The following PCDH7 variants were observed in gnomAD, a reference collection of about 807,000 sequenced individuals.
PCDH7 encodes protocadherin-7.
A neutral mutation model predicts 58.9 loss-of-function variants in PCDH7; 17 were observed. The observed-to-expected ratio is 0.29, with a 90% CI of 0.20 to 0.43. The LOEUF is 0.43. Ranked by LOEUF, PCDH7 falls within the 20% of genes least tolerant of loss-of-function variation. The probability of loss-of-function intolerance (pLI) is 1.00; values close to 1 mark genes in which losing one functional copy is unlikely to be tolerated. For synonymous variants in PCDH7, 664 were observed against 616.4 expected, an observed-to-expected ratio of 1.08 and a Z score of -1.14; for missense variants, 1,274 against 1,441.0, an observed-to-expected ratio of 0.88 and a Z score of 1.88.
At chr4:30,792,934 C>A (rs1469029173) in intron 1 of PCDH7, among the ~76,000 whole-genome samples, 2 of 152,068 alleles carry the variant, frequency 1.3e-5, no homozygotes, top group Non-Finnish European at 2.9e-5. Context: ...TTTTAAAAAA[C>A]CCTGCATACT....
chr4:30,989,249 G>A (rs918513114), intron 3 of PCDH7, among the ~76,000 whole-genome samples: 2 of 149,370 alleles, frequency 1.3e-5, no homozygotes, highest in Admixed American at 6.6e-5. Context: ...ATATCTGACT[G>A]CAAAACAAGC....
At chr4:30,744,447 T>C (rs1369587767) in intron 1 of PCDH7, among the ~76,000 whole-genome samples, 1 of 152,206 alleles carries the variant, frequency 6.6e-6, no homozygotes, top group Non-Finnish European at 1.5e-5. Context: ...ACATGTCCAA[T>C]GGGTGTTGTT....
At chr4:30,859,637 A>G (rs1433141289) in intron 1 of PCDH7, among the ~76,000 whole-genome samples, 1 of 151,828 alleles carries the variant, frequency 6.6e-6, no homozygotes, top group African/African-American at 2.4e-5. Flanking sequence ...AAGGAGTTTC[A>G]CCATGTTGGC....
intron 3 of PCDH7, among the ~76,000 whole-genome samples, chr4:31,115,657 T>C (rs887424821): frequency 2.0e-5 from 3 of 152,210 alleles, no homozygotes; most frequent in Admixed American, 2.0e-4. Flanking sequence ...TTTATTATGA[T>C]TCACATAACT....
At chr4:30,746,499 CT>C (rs1449319723) in intron 1 of PCDH7, among the ~76,000 whole-genome samples, 1 of 152,144 alleles carries the variant, frequency 6.6e-6, no homozygotes, top group Non-Finnish European at 1.5e-5. Flanking sequence ...GGCATCTAAT[CT>C]TCCTAGTGTT....
At chr4:30,949,855 A>G (rs1247776078) in intron 2 of PCDH7, among the ~76,000 whole-genome samples, 3 of 151,764 alleles carry the variant, frequency 2.0e-5, no homozygotes, top group Non-Finnish European at 2.9e-5. Context: ...TTAAAAAATG[A>G]GGATAAAATG....
At chr4:30,908,113 A>G (rs1282771178) in intron 1 of PCDH7, among the ~76,000 whole-genome samples, 1 of 151,902 alleles carries the variant, frequency 6.6e-6, no homozygotes, top group African/African-American at 2.4e-5. Flanking sequence ...GTGAGGGGCT[A>G]GGGGAGGGAT....
intron 3 of PCDH7, among the ~76,000 whole-genome samples, chr4:30,998,550 T>C (rs1434366177): frequency 6.6e-6 from 1 of 152,008 alleles, no homozygotes; most frequent in African/African-American, 2.4e-5. Context: ...TGACATCACC[T>C]GGCCAAAAAT....
chr4:30,997,377 A>G (rs987641510), intron 3 of PCDH7, among the ~76,000 whole-genome samples: 2 of 152,154 alleles, frequency 1.3e-5, no homozygotes, highest in African/African-American at 4.8e-5. Flanking sequence ...TATTTTTGTT[A>G]GAATTTAAAA....
intron 1 of PCDH7, among the ~76,000 whole-genome samples, chr4:30,766,328 G>A (rs1720745711): frequency 1.3e-5 from 2 of 152,018 alleles, no homozygotes; most frequent in Non-Finnish European, 2.9e-5. Context: ...CCAGGAGTTT[G>A]AGACCAACCT....
chr4:30,847,508 C>T (rs1351493482), intron 1 of PCDH7, among the ~76,000 whole-genome samples: 1 of 152,130 alleles, frequency 6.6e-6, no homozygotes, highest in Non-Finnish European at 1.5e-5. Context: ...GTTTGTTTGC[C>T]TTCACATAGA....
intron 3 of PCDH7, among the ~76,000 whole-genome samples, chr4:31,099,793 G>A (rs908260978): frequency 2.0e-5 from 3 of 151,908 alleles, no homozygotes; most frequent in South Asian, 2.1e-4. Flanking sequence ...ATGACAACCC[G>A]AAATATACAT....
chr4:30,726,878 G>A (rs909092753), intron 1 of PCDH7, among the ~76,000 whole-genome samples: 7 of 151,926 alleles, frequency 4.6e-5, no homozygotes, highest in Middle Eastern at 3.4e-3. Flanking sequence ...GTTACATTCC[G>A]TTTTGACATC....
chr4:30,967,701 C>T (rs1031609463), intron 3 of PCDH7, among the ~76,000 whole-genome samples: 2 of 152,086 alleles, frequency 1.3e-5, no homozygotes, highest in African/African-American at 2.4e-5. Flanking sequence ...CGTAAGCCTT[C>T]TGAGCCAAAT....
chr4:30,988,999 T>C (rs139016497), intron 3 of PCDH7, among the ~76,000 whole-genome samples: 81 of 152,312 alleles, frequency 5.3e-4, no homozygotes, highest in Non-Finnish European at 8.8e-4. Flanking sequence ...ACCTTCCTTT[T>C]TAACAGGTCA....
intron 3 of PCDH7, among the ~76,000 whole-genome samples, chr4:31,004,489 C>T (rs1189216399): frequency 6.6e-6 from 1 of 152,110 alleles, no homozygotes; most frequent in African/African-American, 2.4e-5. Context: ...GCTGGCAGAT[C>T]ACTTAAGGTC....
rs532743616 is a variant in PCDH7 at position 30,739,242 on chromosome 4, A to G, written c.70+14646A>G. Among the ~76,000 whole-genome samples the G allele has an allele frequency of 1.2e-4, 18 of 149,150 alleles. 1 individual carries two copies. Among genetic ancestry groups the G allele is most frequent in the African/African-American group, 3.7e-4 (15 of 40,794 alleles). On this transcript the variant is annotated intron_variant, in intron 1 of 3. Transcript: ENST00000509759. ...ATACAGGATAAACTCATCAAAGTCC[A>G]GAAGGGGAAATTCCTCCTTCTTTTC...
In PCDH7 at chr4:31,096,404, G is replaced by T. The variant is rs956813517; in HGVS notation, c.*8-46069G>T. ...GAAAAAAATTAGGAAGCAATTGAGG[G>T]ATATAAAAAGGATCTAAAGAAGAAC... On this transcript the variant is annotated intron_variant, in intron 3 of 3. Transcript: ENST00000509759. Among the ~76,000 whole-genome samples the T allele has an allele frequency of 2.0e-5, 3 of 152,026 alleles. No individual in the cohort carries two copies. The East Asian group carries it at 5.8e-4, about 29-fold the overall frequency.
chr4:30,760,334 C>T (rs1158094087), intron 1 of PCDH7, among the ~76,000 whole-genome samples: 2 of 152,148 alleles, frequency 1.3e-5, no homozygotes, highest in Admixed American at 6.5e-5. Flanking sequence ...AGAGGTCACT[C>T]TTCCGGCACA....
Sources: gnomAD v4.1 joint callset for allele counts (sites outside exome capture counted in the v4.1 genomes callset) on GRCh38, gnomAD v4.1.1 for gene constraint, MANE v1.5 for transcripts, NCBI Gene and HGNC (gene_info 2026-07-23, HGNC 2026-07-21) for gene names.